MAGI3: variants seen among roughly 807,000 people sequenced by gnomAD.
MAGI3 encodes the protein membrane-associated guanylate kinase, WW and PDZ domain-containing protein 3.
Under a neutral mutation model 121.8 loss-of-function variants are expected in MAGI3, and 43 were observed. That is an observed-to-expected ratio of 0.35 (90% CI 0.28 to 0.46). The LOEUF is 0.46. Ranked by LOEUF, MAGI3 falls within the 20% of genes least tolerant of loss-of-function variation. The pLI is 1.00. For synonymous variants in MAGI3, 553 were observed against 639.3 expected, an observed-to-expected ratio of 0.86 and a Z score of 2.04; for missense variants, 1,547 against 1,797.3, an observed-to-expected ratio of 0.86 and a Z score of 2.52.
chr1:113,606,667 C>T (rs58394042), intron 6 of MAGI3, among the ~76,000 whole-genome samples: 5 of 152,082 alleles, frequency 3.3e-5, no homozygotes, highest in Non-Finnish European at 1.5e-5. Context: ...TTCAAATAAG[C>T]TTATTTAAAA....
intron 1 of MAGI3, among the ~76,000 whole-genome samples, chr1:113,514,457 G>C (rs909338377): frequency 1.3e-5 from 2 of 151,984 alleles, no homozygotes; most frequent in Non-Finnish European, 2.9e-5. Flanking sequence ...AAAAAATGAT[G>C]AGTTCATGTC....
At chr1:113,490,397 G>A (rs1656611898) in intron 1 of MAGI3, among the ~76,000 whole-genome samples, 1 of 152,148 alleles carries the variant, frequency 6.6e-6, no homozygotes, top group Non-Finnish European at 1.5e-5. Flanking sequence ...ACTAAATATG[G>A]AAAGGAAAGA....
intron 1 of MAGI3, among the ~76,000 whole-genome samples, chr1:113,472,983 C>T (rs185146518): frequency 3.5e-4 from 53 of 152,178 alleles, no homozygotes; most frequent in African/African-American, 1.2e-3. Flanking sequence ...GAGTTGAAAG[C>T]GATTTACACA....
intron 1 of MAGI3, among the ~76,000 whole-genome samples, chr1:113,431,868 G>T (rs1352316597): frequency 6.6e-6 from 1 of 152,046 alleles, no homozygotes; most frequent in African/African-American, 2.4e-5. Context: ...TTTAAAATTT[G>T]CAGAGGTTAA....
intron 1 of MAGI3, among the ~76,000 whole-genome samples, chr1:113,477,020 G>A (rs1218940025): frequency 6.7e-6 from 1 of 150,166 alleles, no homozygotes; most frequent in Non-Finnish European, 1.5e-5. Context: ...TTTAAAGTCT[G>A]TTATATCAGA....
intron 2 of MAGI3, 88 bp downstream of exon 2, chr1:113,549,719 C>A: frequency 3.1e-6 from 2 of 649,668 alleles, no homozygotes; most frequent in Non-Finnish European, 5.1e-6. Flanking sequence ...TGGAGTATTT[C>A]ACATGAAATT....
chr1:113,580,226 CTT>C (rs1385144228), intron 2 of MAGI3, among the ~76,000 whole-genome samples: 1 of 151,952 alleles, frequency 6.6e-6, no homozygotes, highest in African/African-American at 2.4e-5. Flanking sequence ...ATTAAAATAA[CTT>C]ATAAAAAATA....
At chr1:113,619,320 C>G (rs968498020) in intron 7 of MAGI3, among the ~76,000 whole-genome samples, 1 of 152,176 alleles carries the variant, frequency 6.6e-6, no homozygotes, top group African/African-American at 2.4e-5. Flanking sequence ...ATTCTATACA[C>G]AAATTTCTTT....
chr1:113,438,757 C>T (rs1031736463), intron 1 of MAGI3, among the ~76,000 whole-genome samples: 6 of 152,206 alleles, frequency 3.9e-5, no homozygotes, highest in Admixed American at 2.0e-4. Context: ...CTAGGTTCCA[C>T]CTCCCACATT....
chr1:113,531,005 T>C (rs558352101), intron 1 of MAGI3, among the ~76,000 whole-genome samples: 95 of 152,278 alleles, frequency 6.2e-4, no homozygotes, highest in Non-Finnish European at 8.8e-5. Context: ...TGCAGAAATA[T>C]ATGGTGTCAT....
chr1:113,409,013 A>AG (rs1369790503), intron 1 of MAGI3, among the ~76,000 whole-genome samples: 3 of 152,056 alleles, frequency 2.0e-5, no homozygotes, highest in Admixed American at 6.6e-5. Context: ...AAATTGATCT[A>AG]TTTATTACTG....
chr1:113,444,759 C>T (rs551657683), intron 1 of MAGI3, among the ~76,000 whole-genome samples: 1 of 152,208 alleles, frequency 6.6e-6, no homozygotes, highest in South Asian at 2.1e-4. Flanking sequence ...TCAACAGAAA[C>T]TCTTCCTGAA....
Position 113,642,034 on chromosome 1 carries a change from C to G in MAGI3, c.1484C>G (p.Pro495Arg), listed in dbSNP as rs1322985017. ...YVNLTLCRGY[P>R]LPDDSEDPVV... ...AACCTCACTTTATGTCGTGGTTATC[C>G]ACTTCCTGATGACAGTGAAGATCCT... The change falls in exon 10 of 21, where the codon CCA becomes CGA. Residue 495 changes from proline to arginine, a missense_variant. Transcript: ENST00000307546. 1 of 1,614,106 alleles carries G rather than the reference C, an allele frequency of 6.2e-7. No individual in the cohort carries two copies. The highest frequency in any genetic ancestry group is 8.5e-7 in the Non-Finnish European group (1 of 1,180,022).
At chr1:113,464,873 C>T (rs191323898) in intron 1 of MAGI3, among the ~76,000 whole-genome samples, 79 of 151,436 alleles carry the variant, frequency 5.2e-4, no homozygotes, top group African/African-American at 1.6e-3. Context: ...GTGTTGTTTG[C>T]GCTCCATAAA....
At chr1:113,675,670 T>C (rs752374291) in intron 19 of MAGI3, among the ~76,000 whole-genome samples, 2 of 152,180 alleles carry the variant, frequency 1.3e-5, no homozygotes, top group Non-Finnish European at 2.9e-5. Context: ...GCAAGGCATG[T>C]AATTAGTGGA....
chr1:113,596,531 A>G (rs1649020523), intron 6 of MAGI3, among the ~76,000 whole-genome samples: 3 of 152,192 alleles, frequency 2.0e-5, no homozygotes, highest in Admixed American at 2.0e-4. Context: ...ATCAGAAGAC[A>G]CCATTGAAAA....
At chr1:113,622,729 A>G (rs1267884158) in intron 8 of MAGI3, 77 bp from the exon 9 acceptor site, 3 of 1,176,266 alleles carry the variant, frequency 2.6e-6, no homozygotes, top group Non-Finnish European at 3.6e-6. Context: ...TTAAAAAGTC[A>G]TATAAAAGAT....
intron 1 of MAGI3, among the ~76,000 whole-genome samples, chr1:113,517,242 T>C (rs1190489030): frequency 1.3e-5 from 2 of 151,926 alleles, no homozygotes; most frequent in Non-Finnish European, 1.5e-5. Flanking sequence ...ATATTGATAA[T>C]AGGGGGAATT....
intron 1 of MAGI3, among the ~76,000 whole-genome samples, chr1:113,542,885 TC>T (rs1316540975): frequency 1.3e-5 from 2 of 152,188 alleles, no homozygotes; most frequent in East Asian, 1.9e-4. Flanking sequence ...TGTGTTCACA[TC>T]CCAGGTCTGT....
Sources: gnomAD v4.1 joint callset for allele counts (sites outside exome capture counted in the v4.1 genomes callset) on GRCh38, gnomAD v4.1.1 for gene constraint, MANE v1.5 for transcripts, NCBI Gene and HGNC (gene_info 2026-07-23, HGNC 2026-07-21) for gene names.